ADAMTSL1: variants seen among roughly 807,000 people sequenced by gnomAD.
ADAMTSL1 encodes ADAMTS-like protein 1.
A neutral mutation model predicts 201.8 loss-of-function variants in ADAMTSL1; 126 were observed. The observed-to-expected ratio is 0.62, with a 90% CI of 0.54 to 0.72. ADAMTSL1 has a LOEUF of 0.72. Among genes scored for constraint, ADAMTSL1 ranks in the 30% least tolerant of loss-of-function variants. The pLI, the probability that ADAMTSL1 is intolerant of heterozygous loss-of-function variation, is 0.00. For missense variants in ADAMTSL1, 2,679 were observed against 2,277.8 expected (o/e 1.18, Z -3.59); for synonymous variants, 1,121 against 903.4 (o/e 1.24, Z -4.32).
chr9:18,606,678 G>A (rs1388554316), intron 4 of ADAMTSL1, among the ~76,000 whole-genome samples: 1 of 152,148 alleles, frequency 6.6e-6, no homozygotes, highest in African/African-American at 2.4e-5. Flanking sequence ...CAGTTGCAGA[G>A]TTTGTTTTAC....
At chr9:17,980,439 C>T (rs1431148682) in intron 1 of ADAMTSL1, among the ~76,000 whole-genome samples, 1 of 151,990 alleles carries the variant, frequency 6.6e-6, no homozygotes, top group Admixed American at 6.6e-5. Flanking sequence ...TGTTACCAAA[C>T]ATGGCCACTG....
chr9:18,684,098 TG>T (rs1459033096), intron 12 of ADAMTSL1, among the ~76,000 whole-genome samples: 1 of 152,208 alleles, frequency 6.6e-6, no homozygotes, highest in Non-Finnish European at 1.5e-5. Context: ...AAGTTTGTTT[TG>T]AATTGTTTGG....
chr9:18,152,957 T>A (rs191319308), intron 1 of ADAMTSL1, among the ~76,000 whole-genome samples: 1 of 152,066 alleles, frequency 6.6e-6, no homozygotes, highest in Admixed American at 6.6e-5. Flanking sequence ...TCTTTCTTTA[T>A]AAATTGTTGG....
In ADAMTSL1 at chr9:18,639,302, G is replaced by A. The variant is rs776755; in HGVS notation, c.725G>A (p.Ser242Asn). 70,261 of 1,612,862 alleles carry A rather than the reference G, an allele frequency of 0.044. 2,338 individuals are homozygous for A. The highest frequency in any genetic ancestry group is 0.17 in the African/African-American group (12,653 of 74,926). Residue 242 changes from serine (S) to asparagine (N), a missense_variant, in exon 7 of 29, where the codon AGC becomes AAC. Transcript: ENST00000380548. Reference protein sequence around the residue: ...LQGTKGENSLSSTGTFLVDNS... With the variant: ...LQGTKGENSLNSTGTFLVDNS... ...GGGACTAAAGGTGAAAACAGTCTCA[G>A]CTCCACAGGAACTTTCCTTGTGGAC... is the stretch of plus-strand genomic sequence containing the variant.
At chr9:18,105,228 C>A (rs1587062005) in intron 1 of ADAMTSL1, among the ~76,000 whole-genome samples, 1 of 152,276 alleles carries the variant, frequency 6.6e-6, no homozygotes, top group East Asian at 1.9e-4. Flanking sequence ...CCAGCCCTAA[C>A]TTTCGGTGTC....
chr9:18,087,381 A>G (rs1280759763), intron 1 of ADAMTSL1, among the ~76,000 whole-genome samples: 2 of 152,144 alleles, frequency 1.3e-5, no homozygotes, highest in African/African-American at 4.8e-5. Context: ...TATAGTTTGG[A>G]AACATCCACG....
At chr9:17,909,395 C>T (rs903072957) in intron 1 of ADAMTSL1, among the ~76,000 whole-genome samples, 1 of 145,184 alleles carries the variant, frequency 6.9e-6, no homozygotes. Flanking sequence ...AAGTCCTTGC[C>T]CATGCCTATG....
chr9:18,693,467 T>G (rs941455670), intron 13 of ADAMTSL1, among the ~76,000 whole-genome samples: 2 of 152,002 alleles, frequency 1.3e-5, no homozygotes, highest in African/African-American at 4.8e-5. Flanking sequence ...GCTGTAGGAG[T>G]TTTCTTATGG....
chr9:18,354,225 T>G (rs1319532746), intron 2 of ADAMTSL1, among the ~76,000 whole-genome samples: 1 of 151,878 alleles, frequency 6.6e-6, no homozygotes, highest in Non-Finnish European at 1.5e-5. Flanking sequence ...TGTATAAATG[T>G]ACCATAATTT....
chr9:18,802,663 T>G (rs549796146), intron 20 of ADAMTSL1, among the ~76,000 whole-genome samples: 1 of 152,364 alleles, frequency 6.6e-6, no homozygotes, highest in Admixed American at 6.5e-5. Context: ...AAAGCTGCTA[T>G]GAAGATTCAC....
rs140229115 is a variant in ADAMTSL1, at chr9:18,608,590, G to A, written c.475-13653G>A. On this transcript the variant is annotated intron_variant, in intron 4 of 28. Transcript: ENST00000380548. ...AGCTCATTTTTCCATTGTCATAATA[G>A]TGCAGTGATTCAGCAAAATGTAACT... 2.1e-3 allele frequency among the ~76,000 whole-genome samples: 313 copies of A among 152,264 alleles called. 1 individual carries two copies. The highest frequency in any genetic ancestry group is 3.3e-3 in the Non-Finnish European group (225 of 68,022).
At chr9:18,154,113 C>G (rs1563771863) in intron 1 of ADAMTSL1, among the ~76,000 whole-genome samples, 1 of 151,912 alleles carries the variant, frequency 6.6e-6, no homozygotes, top group Admixed American at 6.6e-5. Flanking sequence ...TATGGATAAC[C>G]TAGAAAGAAA....
At chr9:18,529,330 C>CTATTCCCT (rs1356414088) in intron 2 of ADAMTSL1, among the ~76,000 whole-genome samples, 1 of 152,158 alleles carries the variant, frequency 6.6e-6, no homozygotes, top group African/African-American at 2.4e-5. Context: ...AACCTCAGGC[C>CTATTCCCT]TATTCCCTTC....
chr9:18,058,545 TTATAAC>T (rs917821151), intron 1 of ADAMTSL1, among the ~76,000 whole-genome samples: 3 of 152,122 alleles, frequency 2.0e-5, no homozygotes, highest in African/African-American at 7.2e-5. Context: ...TTTTCAATGA[TTATAAC>T]TATAAACGAG....
In ADAMTSL1 at chr9:18,680,496, C is replaced by T. The variant is rs1830404094; in HGVS notation, c.1321C>T (p.Leu441=). 6.2e-7 allele frequency: 1 copy of T among 1,614,028 alleles called. No homozygotes were observed. Among genetic ancestry groups the T allele is most frequent in the Admixed American group, 1.7e-5 (1 of 59,998 alleles). ...CAACATTTTTGACTGCCCTAAATGG[C>T]TGGCACAGGAGTGGTCTCCGGTAAC... ...PCNIFDCPKW[L]AQEWSPCTVT... The change falls in exon 11 of 29, where the codon CTG becomes TTG. Residue 441 remains leucine (L), a synonymous_variant. Coordinates refer to ENST00000380548, the MANE Select transcript of ADAMTSL1 (RefSeq NM_001040272.6).
At chr9:18,635,713 A>T (rs1049417696) in intron 5 of ADAMTSL1, among the ~76,000 whole-genome samples, 2 of 152,198 alleles carry the variant, frequency 1.3e-5, no homozygotes, top group African/African-American at 2.4e-5. Flanking sequence ...CAAAATTCCT[A>T]TTTTTTAAAA....
rs181472352 is a variant in ADAMTSL1 at position 18,217,025 on chromosome 9, G to A, written c.207+53044G>A. On this transcript the variant is annotated intron_variant, in intron 2 of 29. Coordinates refer to the ADAMTSL1 transcript ENST00000680146. ...GGGCTATGAGGAAGACAAATGAGGG[G>A]TCAAGTAGAGAATAAAGGACATGAG... Among the ~76,000 whole-genome samples the A allele has an allele frequency of 5.3e-4, 80 of 152,252 alleles. 1 individual carries two copies. The highest frequency in any genetic ancestry group is 1.3e-3 in the Admixed American group (20 of 15,294).
rs115267063 is a variant in ADAMTSL1, at chr9:18,770,391, T to C, written c.2218-211T>C. Among the ~76,000 whole-genome samples, 1,071 of 152,316 alleles carry C rather than the reference T, an allele frequency of 7.0e-3. 10 individuals are homozygous for C. Among genetic ancestry groups the C allele is most frequent in the African/African-American group, 0.025 (1,022 of 41,558 alleles). ...GAAATTCCTGGATGCTCTAGTTAAA[T>C]ACCTGGGATTAAGAGTGGAGAGGGT... On this transcript the variant is annotated intron_variant, in intron 16 of 28. Coordinates refer to ENST00000380548, the MANE Select transcript of ADAMTSL1 (RefSeq NM_001040272.6).
At chr9:18,317,702 G>C (rs1448701881) in intron 2 of ADAMTSL1, among the ~76,000 whole-genome samples, 1 of 152,138 alleles carries the variant, frequency 6.6e-6, no homozygotes, top group East Asian at 1.9e-4. Context: ...CTCACCCCGA[G>C]GTCTTCCCTT....
Sources: gnomAD v4.1 joint callset for allele counts (sites outside exome capture counted in the v4.1 genomes callset) on GRCh38, gnomAD v4.1.1 for gene constraint, MANE v1.5 for transcripts, NCBI Gene and HGNC (gene_info 2026-07-23, HGNC 2026-07-21) for gene names.